The following SHF variants were observed in gnomAD, a reference collection of about 807,000 sequenced individuals.
SHF encodes the protein Src homology 2 domain containing F.
SHF carries 30 observed loss-of-function variants against 42.4 expected under a neutral mutation model. The observed-to-expected ratio is 0.71, with a 90% CI of 0.53 to 0.96. SHF has a LOEUF of 0.96. Among genes scored for constraint, SHF ranks in the 40% least tolerant of loss-of-function variants. The pLI is 0.00. For synonymous variants in SHF, 264 were observed against 269.9 expected (o/e 0.98, Z 0.21); for missense variants, 598 against 634.0 (o/e 0.94, Z 0.61).
At chr15:45,170,512 A>T (rs1897420436) in intron 6 of SHF, 1 of 1,170,658 alleles carries the variant, frequency 8.5e-7, no homozygotes, top group South Asian at 1.3e-5. Flanking sequence ...CTATCAACTC[A>T]TTTGGCAAAG....
rs536604064 is a variant in SHF, at chr15:45,178,494, C to A, written c.499-188G>T. Among the ~76,000 whole-genome samples the A allele has an allele frequency of 2.0e-5, 3 of 151,892 alleles. No homozygotes were observed. The South Asian group carries it at 6.2e-4, about 32-fold the overall frequency. On this transcript the variant is annotated intron_variant, in intron 1 of 6. Transcript: ENST00000690270. The stretch of plus-strand genomic sequence containing the variant: ...CTGGCTCTTCCTTTGCAGGGCTCCC[C>A]TACTAGGCTGCCAACCAAGTGGTAC...
intron 2 of SHF, among the ~76,000 whole-genome samples, chr15:45,196,038 G>A (rs553847671): frequency 1.3e-5 from 2 of 150,932 alleles, no homozygotes; most frequent in African/African-American, 4.9e-5. Context: ...AATTGAATTA[G>A]TTGCCGATAT....
intron 1 of SHF, among the ~76,000 whole-genome samples, chr15:45,181,764 G>A (rs763374524): frequency 1.3e-5 from 2 of 152,218 alleles, no homozygotes; most frequent in Non-Finnish European, 2.9e-5. Flanking sequence ...AGGCCAAAGG[G>A]AGGAATTGTC....
At chr15:45,172,517 C>T (rs758409433) in intron 4 of SHF, among the ~76,000 whole-genome samples, 199 bp from the exon 5 acceptor site, 3 of 152,172 alleles carry the variant, frequency 2.0e-5, no homozygotes, top group African/African-American at 7.2e-5. Flanking sequence ...GGGGGTGGGC[C>T]CAGCCTTCTG....
intron 3 of SHF, 116 bp from the exon 4 acceptor site, chr15:45,173,832 G>A: frequency 8.4e-7 from 1 of 1,192,286 alleles, no homozygotes; most frequent in Non-Finnish European, 1.2e-6. Context: ...AAATGAGGAG[G>A]GGCAGAGGCA....
At chr15:45,199,374 AG>A (rs1234159807) in intron 1 of SHF, among the ~76,000 whole-genome samples, 1 of 152,212 alleles carries the variant, frequency 6.6e-6, no homozygotes, top group Non-Finnish European at 1.5e-5. Flanking sequence ...CCGAGTACAC[AG>A]CAGGCAGTGG....
intron 6 of SHF, 39 bp downstream of exon 6, chr15:45,171,844 C>A: frequency 6.2e-7 from 1 of 1,600,306 alleles, no homozygotes; most frequent in Non-Finnish European, 8.5e-7. Flanking sequence ...CCCTTCCACC[C>A]TGCTTGCTGT....
intron 1 of SHF, 130 bp from the exon 2 acceptor site, chr15:45,178,436 A>C: frequency 1.8e-6 from 2 of 1,112,328 alleles, no homozygotes; most frequent in Non-Finnish European, 2.5e-6. Flanking sequence ...CAGGTACTCA[A>C]AGGAAGGCTC....
chr15:45,187,348 G>T lies in SHF; in HGVS notation c.498+106C>A, dbSNP rs1331294247. 1.2e-5 allele frequency: 13 copies of T among 1,117,666 alleles called. No individual in the cohort carries two copies. In the East Asian group the frequency reaches 2.2e-4, roughly 19 times the overall value. 69.2% of individuals were successfully genotyped at this position (1,117,666 alleles called of 1,614,324 possible). A position where few individuals can be genotyped will look rare whatever the true frequency, so the allele number is the denominator to read the frequency against. On this transcript the variant is annotated intron_variant, in intron 1 of 6. Coordinates refer to ENST00000690270, the MANE Select transcript of SHF (RefSeq NM_001394037.1). Reference sequence around the variant, plus strand: ...GGTCAGGGGCTCGCGTCTGCCAGAAGCTGAGACACCGAGGGGCCCGGGCCA... The same window carrying T: ...GGTCAGGGGCTCGCGTCTGCCAGAATCTGAGACACCGAGGGGCCCGGGCCA...
upstream of SHF, among the ~76,000 whole-genome samples, chr15:45,190,035 C>G (rs1044184050): frequency 1.3e-4 from 20 of 152,220 alleles, no homozygotes; most frequent in Non-Finnish European, 2.2e-4. Context: ...TAGGACAGTG[C>G]TTCTCAAACT....
rs539196219 is a variant in SHF at position 45,200,921 on chromosome 15, A to G, written c.-241T>C. On this transcript the variant is annotated 5_prime_UTR_variant, in exon 1 of 8. Coordinates refer to the SHF transcript ENST00000290894. ...TCATTGCAGGCCCGGCCTCATAGGA[A>G]TCCTTTGGTTGCAAAGCACTTTCAT... The G allele has an allele frequency of 1.6e-4, 72 of 451,958 alleles. No individual in the cohort carries two copies. In the East Asian group the frequency reaches 4.9e-3, roughly 31 times the overall value. The allele number at this position is 451,958 out of a possible 1,614,324, so 28.0% of individuals were successfully genotyped here. A position where few individuals can be genotyped will look rare whatever the true frequency, so the allele number is the denominator to read the frequency against.
In SHF at chr15:45,167,438, C is replaced by G. The variant is rs766476273; in HGVS notation, c.*509G>C. ...AGCCCCTCCCCTTCTCTCCCCACCC[C>G]CCAAAGCCGGCTGCTTCCCAGGGGC... On this transcript the variant is annotated 3_prime_UTR_variant, in exon 7 of 7. Coordinates refer to ENST00000690270, the MANE Select transcript of SHF (RefSeq NM_001394037.1). 2 of 152,944 alleles carry G rather than the reference C, an allele frequency of 1.3e-5. No homozygotes were observed. The highest frequency in any genetic ancestry group is 2.9e-5 in the Non-Finnish European group (2 of 68,602). The allele number at this position is 152,944 out of a possible 1,614,324, so 9.5% of individuals were successfully genotyped here.
At chr15:45,200,515 T>C (rs1899054696) in intron 1 of SHF, 2 of 354,204 alleles carry the variant, frequency 5.6e-6, no homozygotes, top group Non-Finnish European at 1.1e-5. Context: ...CCTCGGCTTG[T>C]CGCCTGAACT....
intron 4 of SHF, among the ~76,000 whole-genome samples, 177 bp from the exon 5 acceptor site, chr15:45,172,495 C>T (rs1595613084): frequency 1.3e-5 from 2 of 152,202 alleles, no homozygotes; most frequent in South Asian, 4.1e-4. Flanking sequence ...AATCCTGGAT[C>T]TATCCCCTGG....
chr15:45,179,542 A>G (rs141474105), intron 1 of SHF, among the ~76,000 whole-genome samples: 2 of 152,328 alleles, frequency 1.3e-5, no homozygotes, highest in Admixed American at 1.3e-4. Context: ...GTGAACTGCA[A>G]ACCACACACT....
chr15:45,189,199 A>C (rs1898627241), upstream of SHF, among the ~76,000 whole-genome samples: 1 of 151,310 alleles, frequency 6.6e-6, no homozygotes, highest in Admixed American at 6.6e-5. Context: ...TCTCAAAAAA[A>C]AAAAAAAAAG....
intron 4 of SHF, 21 bp downstream of exon 4, chr15:45,173,555 C>A (rs1246277519): frequency 4.1e-6 from 6 of 1,477,580 alleles, no homozygotes; most frequent in East Asian, 2.5e-5. Context: ...TCACCCTGGC[C>A]AGAAGCCCCC....
intron 2 of SHF, among the ~76,000 whole-genome samples, chr15:45,197,446 G>C (rs1898901195): frequency 6.6e-6 from 1 of 152,160 alleles, no homozygotes. Flanking sequence ...GTTGGAGCCT[G>C]ATAATAAGAG....
chr15:45,193,934 A>C (rs1368021772), intron 2 of SHF, among the ~76,000 whole-genome samples: 3 of 149,302 alleles, frequency 2.0e-5, no homozygotes, highest in African/African-American at 5.0e-5. Context: ...CCCCTTCTGT[A>C]CCAAAAAAAA....
Sources: allele counts gnomAD v4.1 joint callset (sites outside exome capture counted in the v4.1 genomes callset), GRCh38; gene constraint gnomAD v4.1.1; transcripts MANE v1.5; gene names NCBI Gene and HGNC (gene_info 2026-07-23, HGNC 2026-07-21).